The following METTL23 variants were observed in gnomAD, a reference collection of about 807,000 sequenced individuals.
METTL23 encodes methyltransferase 23, arginine.
A neutral mutation model predicts 21.2 loss-of-function variants in METTL23; 24 were observed. That is an observed-to-expected ratio of 1.13 (90% CI 0.82 to 1.59). The LOEUF is 1.59. METTL23 is among the 40% of genes most tolerant of loss of function. METTL23 has a pLI of 0.00. For synonymous variants in METTL23, 97 were observed against 75.2 expected, an observed-to-expected ratio of 1.29 and a Z score of -1.50; for missense variants, 276 against 221.4, an observed-to-expected ratio of 1.25 and a Z score of -1.57.
At chr17:76,733,478 CAG>C (rs757190720) in intron 4 of METTL23, 41 bp from the exon 5 acceptor site, 10 of 1,599,202 alleles carry the variant, frequency 6.3e-6, no homozygotes, top group South Asian at 1.1e-5. Context: ...TGAAGCAAAA[CAG>C]AAAAGGCATG....
chr17:76,726,147 C>T (rs779638647), upstream of METTL23, among the ~76,000 whole-genome samples: 3 of 152,256 alleles, frequency 2.0e-5, no homozygotes, highest in Non-Finnish European at 4.4e-5. Flanking sequence ...TCCGCCAGAG[C>T]AGACGGGCGG....
chr17:76,728,424 T>C (rs1271537063), intron 1 of METTL23, among the ~76,000 whole-genome samples: 2 of 114,422 alleles, frequency 1.7e-5, no homozygotes, highest in African/African-American at 4.1e-5. Flanking sequence ...TTTTTTTTTT[T>C]TTTTTGGAGA....
intron 1 of METTL23, among the ~76,000 whole-genome samples, chr17:76,729,395 T>C (rs1021793760): frequency 6.6e-6 from 1 of 152,154 alleles, no homozygotes; most frequent in East Asian, 1.9e-4. Flanking sequence ...ACTAGAAATA[T>C]CTTATTTGCT....
In METTL23 at chr17:76,733,522, GCTGA is replaced by G; in HGVS notation, c.413_416del (p.Asp138GlyfsTer12). 1 of 1,601,390 alleles carries G rather than the reference GCTGA, an allele frequency of 6.2e-7. No individual in the cohort carries two copies. The highest frequency in any genetic ancestry group is 8.5e-7 in the Non-Finnish European group (1 of 1,176,132). On this transcript the variant is annotated frameshift_variant and splice_region_variant, in exon 5 of 5. Transcript: ENST00000341249. LOFTEE classifies it high-confidence loss of function. ...AAAGAACAACTTTTTTTTTTTAAGT[GCTGA>G]CTGGTCACTTGAAGCTTTACTCTAC...
intron 1 of METTL23, among the ~76,000 whole-genome samples, chr17:76,728,612 T>C (rs932520022): frequency 6.6e-6 from 1 of 151,784 alleles, no homozygotes; most frequent in African/African-American, 2.4e-5. Flanking sequence ...GGTTTTGCCA[T>C]GTTGGCCAAG....
rs1484221856 is a variant in METTL23, at chr17:76,727,100, C to G, written c.-100C>G. 6.6e-6 allele frequency: 3 copies of G among 454,398 alleles called. No homozygotes were observed. The Admixed American group carries it at 7.1e-5, about 11-fold the overall frequency. The allele number at this position is 454,398 out of a possible 1,614,324, so 28.1% of individuals were successfully genotyped here. ...AGCACGATTTCCGAGGACAGGGGGT[C>G]CGGGCCCAGCGCTTTCGATTCTCGG... On this transcript the variant is annotated 5_prime_UTR_variant, in exon 1 of 5. Coordinates refer to ENST00000341249, the MANE Select transcript of METTL23 (RefSeq NM_001080510.5).
At chr17:76,732,860 G>T in intron 2 of METTL23, 118 bp from the exon 3 acceptor site, 1 of 819,732 alleles carries the variant, frequency 1.2e-6, no homozygotes, top group Non-Finnish European at 1.9e-6. Flanking sequence ...TACAAACCCA[G>T]AAAGACTGAC....
chr17:76,733,480 GA>G (rs745646784), intron 4 of METTL23, 40 bp from the exon 5 acceptor site: 218 of 1,599,956 alleles, frequency 1.4e-4, no homozygotes, highest in Admixed American at 3.0e-4. Flanking sequence ...AAGCAAAACA[GA>G]AAAGGCATGA....
Position 76,733,015 on chromosome 17 carries a change from C to T in METTL23, c.122C>T (p.Ala41Val). ...GTGAGCCTTCCAGGAATTTTGGCTG[C>T]CAAATGTGGTGCAGAAGTAATACTG... ...AGVSLPGILA[A>V]KCGAEVILSD... Residue 41 changes from alanine to valine, a missense_variant, in exon 3 of 5, where the codon GCC (alanine) becomes GTC (valine). Coordinates refer to ENST00000341249, the MANE Select transcript of METTL23 (RefSeq NM_001080510.5). 3 of 1,591,402 alleles carry T rather than the reference C, an allele frequency of 1.9e-6. No homozygotes were observed. The South Asian group carries it at 3.4e-5, about 18-fold the overall frequency.
rs751219203 is a variant in METTL23, at chr17:76,733,702, TGTTCTGG to T, written c.*18_*24del. The T allele has an allele frequency of 2.5e-6, 4 of 1,608,098 alleles. No homozygotes were observed. The South Asian group carries it at 4.4e-5, about 18-fold the overall frequency. ...CAGTCTCTGAATTATACCTACAACCTGTTCTGGGACAGTATCAATACTGATGAGCAAC... is the reference window on the plus strand; with the variant it reads ...CAGTCTCTGAATTATACCTACAACCTGACAGTATCAATACTGATGAGCAAC... On this transcript the variant is annotated 3_prime_UTR_variant, in exon 5 of 5. Transcript: ENST00000341249.
At chr17:76,731,599 A>G (rs887930706) in intron 2 of METTL23, among the ~76,000 whole-genome samples, 14 of 152,218 alleles carry the variant, frequency 9.2e-5, no homozygotes, top group Non-Finnish European at 1.6e-4. Context: ...AGATTAGTGT[A>G]AAAATGTATC....
chr17:76,727,882 G>A (rs753485499), intron 1 of METTL23, among the ~76,000 whole-genome samples: 2 of 152,138 alleles, frequency 1.3e-5, no homozygotes, highest in Non-Finnish European at 2.9e-5. Context: ...GAGCCACCAT[G>A]CCCTGCCTGT....
intron 2 of METTL23, among the ~76,000 whole-genome samples, chr17:76,731,245 A>T (rs921842422): frequency 6.6e-6 from 1 of 152,188 alleles, no homozygotes; most frequent in African/African-American, 2.4e-5. Flanking sequence ...ACTGCACTCC[A>T]GCCTGGGCAA....
rs1209286324 is a variant in METTL23, at chr17:76,727,094, G to T, written c.-106G>T. The T allele has an allele frequency of 2.2e-6, 1 of 454,672 alleles. No homozygotes were observed. The highest frequency in any genetic ancestry group is 4.4e-6 in the Non-Finnish European group (1 of 226,340). 28.2% of individuals were successfully genotyped at this position (454,672 alleles called of 1,614,324 possible). ...TGGGCGAGCACGATTTCCGAGGACAGGGGGTCCGGGCCCAGCGCTTTCGAT... is the reference window on the plus strand; with the variant it reads ...TGGGCGAGCACGATTTCCGAGGACATGGGGTCCGGGCCCAGCGCTTTCGAT... On this transcript the variant is annotated 5_prime_UTR_variant, in exon 1 of 5. It adds an upstream start codon to the 5' untranslated region. Transcript: ENST00000341249.
intron 4 of METTL23, 58 bp downstream of exon 4, chr17:76,733,435 C>T (rs2143876463): frequency 1.3e-6 from 2 of 1,596,234 alleles, no homozygotes; most frequent in East Asian, 2.2e-5. Context: ...CTACCCTACC[C>T]ATGCGATACA....
chr17:76,733,398 CT>C, intron 4 of METTL23, 21 bp downstream of exon 4: 1 of 1,610,904 alleles, frequency 6.2e-7, no homozygotes, highest in Non-Finnish European at 8.5e-7. Context: ...ATGACCCTTA[CT>C]TTTTATATGT....
rs367934954 is a variant in METTL23 at position 76,733,366 on chromosome 17, T to C, written c.396T>C (p.Tyr132=). Residue 132 remains tyrosine, a synonymous_variant, in exon 4 of 5, where the codon TAT becomes TAC. Coordinates refer to ENST00000341249, the MANE Select transcript of METTL23 (RefSeq NM_001080510.5). ...KNPKVQLWST[Y]QVRSADWSLE... The stretch of plus-strand genomic sequence containing the variant: ...CCAAGGTCCAATTGTGGTCTACTTA[T>C]CAAGTTAGGAGGCAAGTATGGATGA... 16 of 1,613,936 alleles carry C rather than the reference T, an allele frequency of 9.9e-6. No individual in the cohort carries two copies. In the East Asian group the frequency reaches 1.3e-4, roughly 13 times the overall value.
upstream of METTL23, chr17:76,726,315 C>T: frequency 6.5e-7 from 1 of 1,537,064 alleles, no homozygotes; most frequent in Non-Finnish European, 8.7e-7. Flanking sequence ...GTGCCGATGC[C>T]CGGCCTGGCC....
In METTL23 at chr17:76,726,878, G is replaced by A. The variant is rs1381632321; in HGVS notation, c.-322G>A. 2 of 444,660 alleles carry A rather than the reference G, an allele frequency of 4.5e-6. No homozygotes were observed. Among genetic ancestry groups the A allele is most frequent in the South Asian group, 3.1e-5 (2 of 64,110 alleles). The allele number at this position is 444,660 out of a possible 1,614,324, so 27.5% of individuals were successfully genotyped here. A position where few individuals can be genotyped will look rare whatever the true frequency, so the allele number is the denominator to read the frequency against. On this transcript the variant is annotated 5_prime_UTR_variant, in exon 1 of 5. In the 5' UTR this introduces an upstream ATG that the reference lacks. Coordinates refer to ENST00000341249, the MANE Select transcript of METTL23 (RefSeq NM_001080510.5). ...CAGCCGCCCGTTGCCAGTTCTGCGCGTGTGAGTCTCTTTCGCCTTGCTCCG... is the reference window on the plus strand; with the variant it reads ...CAGCCGCCCGTTGCCAGTTCTGCGCATGTGAGTCTCTTTCGCCTTGCTCCG...
Sources: allele counts gnomAD v4.1 joint callset (sites outside exome capture counted in the v4.1 genomes callset), GRCh38; gene constraint gnomAD v4.1.1; transcripts MANE v1.5; gene names NCBI Gene and HGNC (gene_info 2026-07-23, HGNC 2026-07-21).